Variants in ARHGAP26 observed in about 807,000 individuals in gnomAD.
ARHGAP26 encodes rho GTPase-activating protein 26.
A neutral mutation model predicts 104.8 loss-of-function variants in ARHGAP26; 38 were observed. That is an observed-to-expected ratio of 0.36 (90% CI 0.28 to 0.48). The LOEUF is 0.48. Among genes scored for constraint, ARHGAP26 ranks in the 20% least tolerant of loss-of-function variants. The pLI, the probability that ARHGAP26 is intolerant of heterozygous loss-of-function variation, is 0.99. For synonymous variants in ARHGAP26, 341 were observed against 340.0 expected (o/e 1.00, Z -0.03); for missense variants, 704 against 947.9 (o/e 0.74, Z 3.38).
At chr5:143,038,122 G>A (rs917431773) in intron 13 of ARHGAP26, among the ~76,000 whole-genome samples, 1 of 152,186 alleles carries the variant, frequency 6.6e-6, no homozygotes, top group African/African-American at 2.4e-5. Flanking sequence ...GATTTGATTT[G>A]AACCGTTGTC....
intron 19 of ARHGAP26, among the ~76,000 whole-genome samples, chr5:143,140,253 G>A (rs552610824): frequency 6.6e-6 from 1 of 152,286 alleles, no homozygotes; most frequent in East Asian, 1.9e-4. Flanking sequence ...TCTGTCATTA[G>A]CAGAACATCT....
intron 10 of ARHGAP26, among the ~76,000 whole-genome samples, chr5:142,919,993 C>T (rs1762989429): frequency 6.6e-6 from 1 of 152,144 alleles, no homozygotes; most frequent in East Asian, 1.9e-4. Context: ...CAGAGGGAGA[C>T]TCCATCTCAG....
chr5:143,221,623 C>T (rs1322428861), intron 22 of ARHGAP26, among the ~76,000 whole-genome samples: 1 of 152,130 alleles, frequency 6.6e-6, no homozygotes. Flanking sequence ...AAGCGATCCT[C>T]CCGCTTCGGC....
intron 19 of ARHGAP26, among the ~76,000 whole-genome samples, chr5:143,138,278 C>T (rs185053954): frequency 4.9e-4 from 75 of 152,206 alleles, no homozygotes; most frequent in African/African-American, 7.5e-4. Context: ...GACAGCAAGT[C>T]GCTCCTCATA....
chr5:142,823,772 T>A (rs1435919582), intron 1 of ARHGAP26, among the ~76,000 whole-genome samples: 1 of 152,234 alleles, frequency 6.6e-6, no homozygotes, highest in Non-Finnish European at 1.5e-5. Flanking sequence ...TGGCAATAAT[T>A]GCTTTTGACA....
chr5:143,094,711 A>G (rs1792043199), intron 17 of ARHGAP26, among the ~76,000 whole-genome samples: 1 of 152,056 alleles, frequency 6.6e-6, no homozygotes, highest in Non-Finnish European at 1.5e-5. Flanking sequence ...TCATTCCCCT[A>G]TTGGCTAGGG....
At chr5:142,808,436 T>C (rs1763454943) in intron 1 of ARHGAP26, among the ~76,000 whole-genome samples, 1 of 151,468 alleles carries the variant, frequency 6.6e-6, no homozygotes, top group Non-Finnish European at 1.5e-5. Context: ...CCTTTCCTCC[T>C]CTCCTCTTTT....
chr5:142,958,494 C>G (rs1192600546), intron 11 of ARHGAP26, among the ~76,000 whole-genome samples: 1 of 151,972 alleles, frequency 6.6e-6, no homozygotes, highest in Non-Finnish European at 1.5e-5. Flanking sequence ...TAAGTAGACC[C>G]CGTCTTTACA....
At chr5:143,213,140 G>T (rs529824096) in intron 21 of ARHGAP26, among the ~76,000 whole-genome samples, 1 of 152,160 alleles carries the variant, frequency 6.6e-6, no homozygotes, top group East Asian at 1.9e-4. Flanking sequence ...GCAAGACTCC[G>T]TCTAAACAAA....
At chr5:143,027,348 CTT>C (rs34130538) in intron 12 of ARHGAP26, among the ~76,000 whole-genome samples, 16 of 133,278 alleles carry the variant, frequency 1.2e-4, no homozygotes, top group Admixed American at 1.5e-4. Context: ...ATTTTTTTTT[CTT>C]TTTTTTTTTT....
chr5:143,206,443 C>T (rs528591814), intron 20 of ARHGAP26, among the ~76,000 whole-genome samples: 35 of 152,352 alleles, frequency 2.3e-4, no homozygotes, highest in African/African-American at 8.4e-4. Context: ...TTTTGATTAG[C>T]TACCCGTCAA....
At chr5:142,894,394 C>T in intron 6 of ARHGAP26, 46 bp downstream of exon 6, 2 of 1,519,792 alleles carry the variant, frequency 1.3e-6, no homozygotes, top group Non-Finnish European at 9.1e-7. Flanking sequence ...ATATTCATCC[C>T]TCATTCTAAC....
intron 20 of ARHGAP26, among the ~76,000 whole-genome samples, chr5:143,189,943 G>C (rs1599434115): frequency 6.6e-6 from 1 of 151,096 alleles, no homozygotes; most frequent in Non-Finnish European, 1.5e-5. Flanking sequence ...ATTTATTGTT[G>C]AGTAGTAAAC....
At chr5:142,919,692 C>T (rs1365540512) in intron 10 of ARHGAP26, among the ~76,000 whole-genome samples, 1 of 152,060 alleles carries the variant, frequency 6.6e-6, no homozygotes, top group African/African-American at 2.4e-5. Context: ...CTTTCATTAG[C>T]TTTTTAAAAA....
intron 22 of ARHGAP26, chr5:143,216,352 A>G (rs185141055): frequency 5.6e-5 from 26 of 466,078 alleles, no homozygotes; most frequent in Middle Eastern, 6.6e-4. Flanking sequence ...ATCTTTGAAA[A>G]ACGGAAATGG....
intron 12 of ARHGAP26, among the ~76,000 whole-genome samples, chr5:143,030,300 G>T (rs11956857): frequency 0.061 from 9,210 of 152,176 alleles, 639 homozygotes; most frequent in African/African-American, 0.17. Flanking sequence ...CCCTCATTTA[G>T]ATGGCCGAGT....
intron 10 of ARHGAP26, chr5:142,919,289 C>A (rs1762890860): frequency 5.0e-6 from 2 of 398,458 alleles, no homozygotes; most frequent in African/African-American, 4.1e-5. Flanking sequence ...AGGTGATGCA[C>A]CTACAAGCCA....
chr5:143,080,300 C>T (rs557502323), intron 17 of ARHGAP26, among the ~76,000 whole-genome samples: 11 of 152,230 alleles, frequency 7.2e-5, no homozygotes, highest in East Asian at 3.9e-4. Context: ...GTACCTACTC[C>T]GGATTTACGA....
At chr5:142,921,493 A>C (rs1230754193) in intron 10 of ARHGAP26, 2 of 167,098 alleles carry the variant, frequency 1.2e-5, no homozygotes, top group African/African-American at 4.8e-5. Flanking sequence ...CTAAACTTTT[A>C]GCAGGTGCTC....
Sources: allele counts gnomAD v4.1 joint callset (sites outside exome capture counted in the v4.1 genomes callset), GRCh38; gene constraint gnomAD v4.1.1; transcripts MANE v1.5; gene names NCBI Gene and HGNC (gene_info 2026-07-23, HGNC 2026-07-21).